The following JARID2 variants were observed in gnomAD, a reference collection of about 807,000 sequenced individuals.
JARID2 encodes jumonji and AT-rich interaction domain containing 2.
A neutral mutation model predicts 125.6 loss-of-function variants in JARID2; 21 were observed. That is an observed-to-expected ratio of 0.17 (90% CI 0.12 to 0.24). JARID2 has a LOEUF of 0.24. Among genes scored for constraint, JARID2 ranks in the 10% least tolerant of loss-of-function variants. The probability of loss-of-function intolerance (pLI) is 1.00; values close to 1 mark genes in which losing one functional copy is unlikely to be tolerated. For missense variants in JARID2, 1,303 were observed against 1,639.6 expected, an observed-to-expected ratio of 0.79 and a Z score of 3.55; for synonymous variants, 736 against 661.6, an observed-to-expected ratio of 1.11 and a Z score of -1.73.
At chr6:15,411,598 A>C (rs1195287044) in intron 3 of JARID2, among the ~76,000 whole-genome samples, 1 of 152,232 alleles carries the variant, frequency 6.6e-6, no homozygotes, top group Non-Finnish European at 1.5e-5. Context: ...GTTATATTAC[A>C]GATATTCCAT....
At chr6:15,255,014 A>G (rs1316661225) in intron 1 of JARID2, among the ~76,000 whole-genome samples, 2 of 151,114 alleles carry the variant, frequency 1.3e-5, no homozygotes, top group East Asian at 3.9e-4. Flanking sequence ...CAAAAAAAAC[A>G]AAACAAAAAA....
intron 1 of JARID2, chr6:15,247,611 G>A (rs1759235041): frequency 1.0e-6 from 1 of 985,018 alleles, no homozygotes; most frequent in South Asian, 4.7e-5. Flanking sequence ...TTTAAGTTGG[G>A]TAGACAAATT....
chr6:15,419,438 A>C lies in JARID2; in HGVS notation c.323+9073A>C, dbSNP rs191731988. On this transcript the variant is annotated intron_variant, in intron 3 of 17. Transcript: ENST00000341776. ...GCCTATCTTCTGTTTCAAGTTATCT[A>C]CGTAGTTGCCATTTTTGTTTCTAGT... is the stretch of plus-strand genomic sequence containing the variant. Among the ~76,000 whole-genome samples the C allele has an allele frequency of 2.0e-5, 3 of 152,326 alleles. No individual in the cohort carries two copies. In the East Asian group the frequency reaches 5.8e-4, roughly 29 times the overall value.
intron 1 of JARID2, among the ~76,000 whole-genome samples, chr6:15,360,312 A>G (rs1199736289): frequency 6.6e-6 from 1 of 151,800 alleles, no homozygotes; most frequent in African/African-American, 2.4e-5. Flanking sequence ...AGCCTCCCAA[A>G]TAGCTGGAAT....
At chr6:15,362,682 G>C (rs913349952) in intron 1 of JARID2, among the ~76,000 whole-genome samples, 6 of 152,190 alleles carry the variant, frequency 3.9e-5, no homozygotes, top group African/African-American at 1.4e-4. Context: ...CCATGGAAAG[G>C]CTTCAGTAGG....
chr6:15,248,879 A>AGCCGGCAGG, intron 1 of JARID2: 2 of 983,080 alleles, frequency 2.0e-6, no homozygotes, highest in Non-Finnish European at 2.4e-6. Context: ...GCTGCCGCAG[A>AGCCGGCAGG]GCCGGGCTGC....
At position 15,320,852 on chromosome 6, in the gene JARID2, C is replaced by CTGTGTG. The variant is rs71944757; in HGVS notation, c.46-53239_46-53234dup. On this transcript the variant is annotated intron_variant, in intron 1 of 17. Transcript: ENST00000341776. Reference sequence around the variant, plus strand: ...AATATGATTCATTCTCTCTCTCTCTCTGTGTGTGTGTGTGTGTGTGTGTGT... The same window carrying CTGTGTG: ...AATATGATTCATTCTCTCTCTCTCTCTGTGTGTGTGTGTGTGTGTGTGTGTGTGTGT... Among the ~76,000 whole-genome samples, 799 of 145,394 alleles carry CTGTGTG rather than the reference C, an allele frequency of 5.5e-3. 2 individuals are homozygous for CTGTGTG. Among genetic ancestry groups the CTGTGTG allele is most frequent in the African/African-American group, 0.012 (455 of 39,326 alleles).
Position 15,520,208 on chromosome 6 carries a change from T to A in JARID2, c.3698T>A (p.Leu1233Gln). Reference protein sequence around the residue: ...RATVDVPPSRLSASSSSKSAS... With the variant: ...RATVDVPPSRQSASSSSKSAS... ...ACAGTGGACGTGCCCCCCTCCCGTCTGTCAGCCTCCAGTTCATCCAAAAGT... is the reference window on the plus strand; with the variant it reads ...ACAGTGGACGTGCCCCCCTCCCGTCAGTCAGCCTCCAGTTCATCCAAAAGT... Residue 1233 changes from leucine (L) to glutamine (Q), a missense_variant, in exon 18 of 18, where the codon CTG becomes CAG. Around this residue, in one of 11 missense-constraint regions of JARID2, gnomAD observed 75 missense variants for 66.0 expected, o/e 1.14. Transcript: ENST00000341776. 6.2e-7 allele frequency: 1 copy of A among 1,613,592 alleles called. No homozygotes were observed. Among genetic ancestry groups the A allele is most frequent in the Middle Eastern group, 1.7e-4 (1 of 6,056 alleles).
rs2127736125 is a variant in JARID2 at position 15,497,070 on chromosome 6, C to T, written c.1845C>T (p.His615=). 1.9e-6 allele frequency: 3 copies of T among 1,603,340 alleles called. No individual in the cohort carries two copies. In the East Asian group the frequency reaches 6.8e-5, roughly 36 times the overall value. The change falls in exon 7 of 18, where the codon CAC becomes CAT. Residue 615 remains histidine, a synonymous_variant. Transcript: ENST00000341776. ...MRFVTQIQHI[H]KLGRRWGPNV... is the part of the protein sequence containing the mutation. Reference sequence around the variant, plus strand: ...TTGTCACGCAGATTCAGCACATCCACAAGCTGGGCCGGCGCTGGGGCCCCA... The same window carrying T: ...TTGTCACGCAGATTCAGCACATCCATAAGCTGGGCCGGCGCTGGGGCCCCA...
chr6:15,390,024 G>A (rs577310643), intron 2 of JARID2, among the ~76,000 whole-genome samples: 2 of 152,136 alleles, frequency 1.3e-5, no homozygotes, highest in Non-Finnish European at 2.9e-5. Flanking sequence ...TGAGGAGGGC[G>A]GTGCTTGAGT....
intron 1 of JARID2, among the ~76,000 whole-genome samples, chr6:15,250,957 C>T (rs1484965288): frequency 1.3e-5 from 2 of 150,128 alleles, no homozygotes; most frequent in African/African-American, 4.9e-5. Context: ...ACGAGAATGT[C>T]ATATTAAAAG....
At chr6:15,502,080 C>A (rs557727071) in intron 8 of JARID2, among the ~76,000 whole-genome samples, 1 of 152,254 alleles carries the variant, frequency 6.6e-6, no homozygotes, top group African/African-American at 2.4e-5. Context: ...TCACCATTCA[C>A]ACGCTGTGGA....
At chr6:15,486,857 G>A (rs1581631837) in intron 5 of JARID2, among the ~76,000 whole-genome samples, 1 of 124,294 alleles carries the variant, frequency 8.0e-6, no homozygotes, top group East Asian at 2.3e-4. Context: ...TTTGATGGTT[G>A]ATTCTTTCTG....
Position 15,413,008 on chromosome 6 carries a change from G to GTTTTTTTTTTTTTTTTTTTT in JARID2, c.323+2657_323+2658insTTTTTTTTTTTTTTTTTTTT, listed in dbSNP as rs1041543140. 6.7e-4 allele frequency among the ~76,000 whole-genome samples: 32 copies of GTTTTTTTTTTTTTTTTTTTT among 47,486 alleles called. 4 individuals are homozygous for GTTTTTTTTTTTTTTTTTTTT. Among genetic ancestry groups the GTTTTTTTTTTTTTTTTTTTT allele is most frequent in the East Asian group, 1.6e-3 (3 of 1,854 alleles). 31.2% of individuals were successfully genotyped at this position (47,486 alleles called of 152,430 possible). The stretch of plus-strand genomic sequence containing the variant: ...ATACATGGGAAGAGCTTGTGTTTTT[G>GTTTTTTTTTTTTTTTTTTTT]TTTTTTTTTTTTTTGTTTTTTTTTT... On this transcript the variant is annotated intron_variant, in intron 3 of 17. Transcript: ENST00000341776.
intron 11 of JARID2, 47 bp from the exon 12 acceptor site, chr6:15,508,292 CT>C (rs771235452): frequency 2.4e-5 from 22 of 927,230 alleles, no homozygotes; most frequent in Non-Finnish European, 5.4e-6. Flanking sequence ...CCTTTGAGAC[CT>C]TGTTGCCTAG....
intron 2 of JARID2, among the ~76,000 whole-genome samples, chr6:15,403,569 T>C (rs1561839486): frequency 6.6e-6 from 1 of 152,202 alleles, no homozygotes; most frequent in Non-Finnish European, 1.5e-5. Context: ...AGTCATTTAC[T>C]TGTTTCTGAA....
chr6:15,299,377 G>A (rs541315824), intron 1 of JARID2, among the ~76,000 whole-genome samples: 5 of 152,238 alleles, frequency 3.3e-5, no homozygotes, highest in African/African-American at 7.2e-5. Flanking sequence ...GGGATGACTG[G>A]GATCATGAGT....
intron 1 of JARID2, among the ~76,000 whole-genome samples, chr6:15,359,714 CT>C (rs112384616): frequency 2.0e-3 from 283 of 144,048 alleles, no homozygotes; most frequent in Middle Eastern, 3.6e-3. Flanking sequence ...TTTCTTTTTC[CT>C]TTTTTTTTTT....
intron 3 of JARID2, among the ~76,000 whole-genome samples, chr6:15,442,129 A>G (rs1421247364): frequency 6.6e-6 from 1 of 151,694 alleles, no homozygotes; most frequent in African/African-American, 2.4e-5. Context: ...AAAAGGAAGT[A>G]AAACAGGATT....
Sources: allele counts gnomAD v4.1 joint callset (sites outside exome capture counted in the v4.1 genomes callset), GRCh38; gene constraint gnomAD v4.1.1; regional missense constraint gnomAD v4.1.1; transcripts MANE v1.5; gene names NCBI Gene and HGNC (gene_info 2026-07-23, HGNC 2026-07-21).